PHYHIPL: variants seen among roughly 807,000 people sequenced by gnomAD.
PHYHIPL encodes phytanoyl-CoA 2-hydroxylase interacting protein like.
Under a neutral mutation model 33.4 loss-of-function variants are expected in PHYHIPL, and 9 were observed. The observed-to-expected ratio is 0.27, with a 90% CI of 0.16 to 0.47. PHYHIPL has a LOEUF of 0.47. Ranked by LOEUF, PHYHIPL falls within the 20% of genes least tolerant of loss-of-function variation. PHYHIPL has a pLI of 0.99. For synonymous variants in PHYHIPL, 153 were observed against 154.1 expected (o/e 0.99, Z 0.05); for missense variants, 365 against 460.7 (o/e 0.79, Z 1.90).
intron 1 of PHYHIPL, among the ~76,000 whole-genome samples, chr10:59,229,852 G>A (rs562470018): frequency 9.1e-4 from 137 of 149,846 alleles, no homozygotes; most frequent in Admixed American, 4.1e-3. Context: ...TGTTACAGGC[G>A]CATACTCTTA....
At chr10:59,186,508 C>T (rs1838609104) in intron 1 of PHYHIPL, among the ~76,000 whole-genome samples, 1 of 152,100 alleles carries the variant, frequency 6.6e-6, no homozygotes, top group South Asian at 2.1e-4. Context: ...TGAAGAAAGT[C>T]ATTGGTAGCT....
At chr10:59,195,926 T>G (rs1441141701) in intron 1 of PHYHIPL, among the ~76,000 whole-genome samples, 1 of 152,212 alleles carries the variant, frequency 6.6e-6, no homozygotes, top group African/African-American at 2.4e-5. Flanking sequence ...TAATGTTTAT[T>G]TTTATATTAT....
chr10:59,185,562 C>A (rs1589258011), intron 1 of PHYHIPL, among the ~76,000 whole-genome samples: 1 of 152,184 alleles, frequency 6.6e-6, no homozygotes, highest in South Asian at 2.1e-4. Context: ...AATGGTTGAA[C>A]TAGTTTACAG....
At chr10:59,220,401 C>T (rs542550640) in intron 1 of PHYHIPL, among the ~76,000 whole-genome samples, 20 of 152,018 alleles carry the variant, frequency 1.3e-4, no homozygotes, top group Non-Finnish European at 2.9e-4. Flanking sequence ...TATTCCTACT[C>T]CACTAAACCT....
chr10:59,204,096 T>A (rs188066721), intron 1 of PHYHIPL, among the ~76,000 whole-genome samples: 111 of 152,310 alleles, frequency 7.3e-4, no homozygotes, highest in African/African-American at 2.5e-3. Context: ...TATAAAGGAT[T>A]TATAGAATGT....
At position 59,206,718 on chromosome 10, in the gene PHYHIPL, C is replaced by T. The variant is rs1331840203; in HGVS notation, c.107-27586C>T. On this transcript the variant is annotated intron_variant, in intron 1 of 4. Transcript: ENST00000373880. ...GACAGAAAATTGTAAAAGTACATAA[C>T]TAAAAGCTGTTATGCATTTCTTTTT... 8 of 1,018,076 alleles carry T rather than the reference C, an allele frequency of 7.9e-6. 1 individual carries two copies. The South Asian group carries it at 1.3e-4, about 17-fold the overall frequency. The allele number at this position is 1,018,076 out of a possible 1,614,324, so 63.1% of individuals were successfully genotyped here. A position where few individuals can be genotyped will look rare whatever the true frequency, so the allele number is the denominator to read the frequency against.
chr10:59,211,665 A>T (rs72806593), intron 1 of PHYHIPL, among the ~76,000 whole-genome samples: 1,895 of 8,692 alleles, frequency 0.22, 86 homozygotes, highest in African/African-American at 0.28. Context: ...CGGACTCTCT[A>T]AAAAAAAAAA....
At chr10:59,187,473 G>C (rs920536563) in intron 1 of PHYHIPL, among the ~76,000 whole-genome samples, 1 of 152,148 alleles carries the variant, frequency 6.6e-6, no homozygotes, top group African/African-American at 2.4e-5. Flanking sequence ...GATGATGCTG[G>C]CCTCATAAAA....
rs536447448 is a variant in PHYHIPL, at chr10:59,185,579, C to T, written c.106+8620C>T. The stretch of plus-strand genomic sequence containing the variant: ...TGGTTGAACTAGTTTACAGTCCCAG[C>T]AACAGTGTAAAAGTGTTCATATTTC... On this transcript the variant is annotated intron_variant, in intron 1 of 4. Coordinates refer to ENST00000373880, the MANE Select transcript of PHYHIPL (RefSeq NM_032439.4). Among the ~76,000 whole-genome samples the T allele has an allele frequency of 7.2e-5, 11 of 152,300 alleles. No homozygotes were observed. The East Asian group carries it at 1.4e-3, about 19-fold the overall frequency.
intron 1 of PHYHIPL, among the ~76,000 whole-genome samples, chr10:59,192,471 A>G (rs755004108): frequency 2.0e-5 from 3 of 152,108 alleles, no homozygotes; most frequent in Non-Finnish European, 4.4e-5. Flanking sequence ...TCCAGGGTCC[A>G]GACTTACAGA....
chr10:59,192,505 C>T (rs1247440443), intron 1 of PHYHIPL, among the ~76,000 whole-genome samples: 5 of 151,972 alleles, frequency 3.3e-5, no homozygotes, highest in Admixed American at 2.6e-4. Flanking sequence ...GTAGCATGAC[C>T]AAAGAATTTC....
chr10:59,207,262 T>C (rs896439709), intron 1 of PHYHIPL, among the ~76,000 whole-genome samples: 3 of 152,078 alleles, frequency 2.0e-5, no homozygotes, highest in Non-Finnish European at 4.4e-5. Flanking sequence ...AGACAGTGGG[T>C]GCAGCCAACA....
rs1840730090 is a variant in PHYHIPL at position 59,246,581 on chromosome 10, A to ATTAT, written c.*991_*992insTATT. 2.5e-6 allele frequency: 1 copy of ATTAT among 397,162 alleles called. No individual in the cohort carries two copies. The highest frequency in any genetic ancestry group is 2.1e-5 in the African/African-American group (1 of 48,598). 24.6% of individuals were successfully genotyped at this position (397,162 alleles called of 1,614,324 possible). ...ATGAAAATAATAAACATGTTTTCGT[A>ATTAT]TAAAATAACACAAAATGATATACAC... On this transcript the variant is annotated 3_prime_UTR_variant, in exon 5 of 5. Transcript: ENST00000373880.
At chr10:59,236,913 G>C (rs1047323932) in intron 3 of PHYHIPL, among the ~76,000 whole-genome samples, 1 of 151,450 alleles carries the variant, frequency 6.6e-6, no homozygotes, top group Non-Finnish European at 1.5e-5. Context: ...CAAGATGAAA[G>C]CTATGCAAAT....
chr10:59,177,176 C>T, intron 1 of PHYHIPL: 1 of 592,162 alleles, frequency 1.7e-6, no homozygotes, highest in Non-Finnish European at 2.9e-6. Context: ...GGAAAGTAGC[C>T]GTCCACAACC....
chr10:59,173,948 T>G (rs1233957417), upstream of PHYHIPL, among the ~76,000 whole-genome samples: 1 of 115,434 alleles, frequency 8.7e-6, no homozygotes, highest in Non-Finnish European at 1.7e-5. Context: ...TTTTTTTTTT[T>G]TTTTTTTTTT....
At chr10:59,217,011 C>T (rs185433711) in intron 1 of PHYHIPL, among the ~76,000 whole-genome samples, 2 of 152,052 alleles carry the variant, frequency 1.3e-5, no homozygotes, top group South Asian at 2.1e-4. Flanking sequence ...TAATACTTTA[C>T]TTTACTATTC....
chr10:59,241,312 T>C lies in PHYHIPL; in HGVS notation c.596+2607T>C, dbSNP rs561129269. Among the ~76,000 whole-genome samples, 246 of 151,370 alleles carry C rather than the reference T, an allele frequency of 1.6e-3. 1 individual carries two copies. Among genetic ancestry groups the C allele is most frequent in the African/African-American group, 5.8e-3 (239 of 41,548 alleles). ...CACTTTCCAAAGTTTATAATCCATT[T>C]TGAATTATGAAAAACTGGATAAATA... On this transcript the variant is annotated intron_variant, in intron 4 of 4. Transcript: ENST00000373880.
At chr10:59,227,679 T>C (rs1250377992) in intron 1 of PHYHIPL, among the ~76,000 whole-genome samples, 2 of 152,070 alleles carry the variant, frequency 1.3e-5, no homozygotes, top group Admixed American at 1.3e-4. Flanking sequence ...TTGAGACACA[T>C]AAGGAGAAAT....
Sources: allele counts gnomAD v4.1 joint callset (sites outside exome capture counted in the v4.1 genomes callset), GRCh38; gene constraint gnomAD v4.1.1; transcripts MANE v1.5; gene names NCBI Gene and HGNC (gene_info 2026-07-23, HGNC 2026-07-21).